The following PIKFYVE variants were observed in gnomAD, a reference collection of about 807,000 sequenced individuals.
PIKFYVE encodes phosphoinositide kinase, FYVE-type zinc finger containing.
A neutral mutation model predicts 257.9 loss-of-function variants in PIKFYVE; 122 were observed. The observed-to-expected ratio is 0.47, with a 90% CI of 0.41 to 0.55. The LOEUF (loss-of-function observed/expected upper bound fraction) is 0.55. Ranked by LOEUF, PIKFYVE falls within the 20% of genes least tolerant of loss-of-function variation. PIKFYVE has a pLI of 0.00. For synonymous variants in PIKFYVE, 892 were observed against 868.9 expected, an observed-to-expected ratio of 1.03 and a Z score of -0.47; for missense variants, 2,160 against 2,536.6, an observed-to-expected ratio of 0.85 and a Z score of 3.19.
In PIKFYVE at chr2:208,315,254, T is replaced by A; in HGVS notation, c.1888T>A (p.Ser630Thr). 1 of 1,614,134 alleles carries A rather than the reference T, an allele frequency of 6.2e-7. No homozygotes were observed. The highest frequency in any genetic ancestry group is 1.1e-5 in the South Asian group (1 of 91,080). ...GCAGTTGCTCCATAGTGACTCACTG[T>A]CATCATCTTGGAGGGACATCATCGT... ...LQQLLHSDSLSSSWRDIIVSL... is the reference protein window; with the variant it reads ...LQQLLHSDSLTSSWRDIIVSL... Residue 630 changes from serine to threonine, a missense_variant, in exon 15 of 42, where the codon TCA (serine) becomes ACA (threonine). Transcript: ENST00000264380.
chr2:208,301,716 C>T (rs1693704275), intron 9 of PIKFYVE, among the ~76,000 whole-genome samples: 1 of 152,160 alleles, frequency 6.6e-6, no homozygotes, highest in Non-Finnish European at 1.5e-5. Context: ...GAGACTTCTT[C>T]ACCATGAGGA....
intron 39 of PIKFYVE, 151 bp from the exon 40 acceptor site, chr2:208,353,747 T>A: frequency 2.2e-6 from 2 of 910,136 alleles, no homozygotes; most frequent in Admixed American, 4.7e-5. Flanking sequence ...GTTTAAAAAC[T>A]TAAAAATTAT....
At chr2:208,311,762 T>C (rs1694956798) in intron 12 of PIKFYVE, among the ~76,000 whole-genome samples, 1 of 152,172 alleles carries the variant, frequency 6.6e-6, no homozygotes, top group Non-Finnish European at 1.5e-5. Flanking sequence ...TAATTTGTTT[T>C]ATAGCTTATA....
intron 4 of PIKFYVE, among the ~76,000 whole-genome samples, chr2:208,277,236 T>C (rs1690229929): frequency 6.6e-6 from 1 of 152,170 alleles, no homozygotes; most frequent in East Asian, 1.9e-4. Flanking sequence ...AGTCCATATA[T>C]GTGTGAGGGT....
At chr2:208,333,061 T>C (rs926502028) in intron 23 of PIKFYVE, among the ~76,000 whole-genome samples, 1 of 151,690 alleles carries the variant, frequency 6.6e-6, no homozygotes, top group Non-Finnish European at 1.5e-5. Context: ...CGTGAAACCC[T>C]GTCTCTACTA....
chr2:208,343,698 G>A (rs1265043917), intron 32 of PIKFYVE, among the ~76,000 whole-genome samples: 1 of 152,042 alleles, frequency 6.6e-6, no homozygotes, highest in Non-Finnish European at 1.5e-5. Flanking sequence ...GGATGAGGAG[G>A]GACTACTGCA....
rs537864630 is a variant in PIKFYVE, at chr2:208,313,834, C to T, written c.1697-460C>T. On this transcript the variant is annotated intron_variant, in intron 13 of 41. Coordinates refer to ENST00000264380, the MANE Select transcript of PIKFYVE (RefSeq NM_015040.4). ...CTGACCTCAGGTGATCTGCCCACCT[C>T]GGCCTCCCAAAGTGTTGGAATTACA... Among the ~76,000 whole-genome samples the T allele has an allele frequency of 1.1e-4, 16 of 152,250 alleles. No individual in the cohort carries two copies. In the East Asian group the frequency reaches 1.9e-3, roughly 18 times the overall value.
At chr2:208,288,616 A>T in intron 6 of PIKFYVE, 113 bp from the exon 7 acceptor site, 1 of 1,472,344 alleles carries the variant, frequency 6.8e-7, no homozygotes. Flanking sequence ...AATGACACAT[A>T]ATCTCATTAT....
rs753928946 is a variant in PIKFYVE, at chr2:208,326,271, G to A, written c.3460G>A (p.Asp1154Asn). ...DSQSLGRMLADYRARGGRIQP... is the reference protein window; with the variant it reads ...DSQSLGRMLANYRARGGRIQP... ...CCAGAGCTTGGGTAGAATGCTGGCC[G>A]ATTATCGAGCCAGAGGAGGAAGAAT... The change falls in exon 20 of 42, where the codon GAT becomes AAT. Residue 1154 changes from aspartate (D) to asparagine (N), a missense_variant. By Grantham distance (23) the Asp-to-Asn change is conservative. Coordinates refer to ENST00000264380, the MANE Select transcript of PIKFYVE (RefSeq NM_015040.4). 6.0e-5 allele frequency: 95 copies of A among 1,593,430 alleles called. No individual in the cohort carries two copies. Among genetic ancestry groups the A allele is most frequent in the Non-Finnish European group, 7.9e-5 (92 of 1,169,854 alleles).
In PIKFYVE at chr2:208,335,781, CG is replaced by C; in HGVS notation, c.4257-11del. On this transcript the variant is annotated splice_polypyrimidine_tract_variant and intron_variant, in intron 25 of 41. Transcript: ENST00000264380. ...CCCTTTCTAAAGTGTTTAATGCTCT[CG>C]CTATTGTTAGAGTTTCACAGGTATA... 1.3e-6 allele frequency: 2 copies of C among 1,585,632 alleles called. No individual in the cohort carries two copies. Among genetic ancestry groups the C allele is most frequent in the African/African-American group, 2.7e-5 (2 of 74,318 alleles).
intron 2 of PIKFYVE, 72 bp from the exon 3 acceptor site, chr2:208,273,512 A>G: frequency 6.3e-7 from 1 of 1,598,778 alleles, no homozygotes; most frequent in East Asian, 2.2e-5. Flanking sequence ...GTTGCCTGAA[A>G]ATTTTCATCT....
chr2:208,334,084 G>A (rs568270514), intron 24 of PIKFYVE, among the ~76,000 whole-genome samples: 1 of 152,348 alleles, frequency 6.6e-6, no homozygotes, highest in South Asian at 2.1e-4. Context: ...ATTGATAGTT[G>A]CCATTGTGGT....
rs1018457032 is a variant in PIKFYVE, at chr2:208,318,056, G to A, written c.2082+115G>A. 4.6e-6 allele frequency: 5 copies of A among 1,098,700 alleles called. No individual in the cohort carries two copies. The African/African-American group carries it at 7.7e-5, about 17-fold the overall frequency. 68.1% of individuals were successfully genotyped at this position (1,098,700 alleles called of 1,614,324 possible). A position where few individuals can be genotyped will look rare whatever the true frequency, so the allele number is the denominator to read the frequency against. ...GGACAATGGACAATGAAAGGCAGCT[G>A]TGTCTGCCATAGGGGTGAAATTTGG... On this transcript the variant is annotated intron_variant, in intron 16 of 41. Coordinates refer to ENST00000264380, the MANE Select transcript of PIKFYVE (RefSeq NM_015040.4).
chr2:208,312,120 G>A, intron 12 of PIKFYVE, 116 bp from the exon 13 acceptor site: 2 of 805,946 alleles, frequency 2.5e-6, no homozygotes, highest in Admixed American at 2.0e-5. Context: ...GCAGTGATGG[G>A]TTTAGTATGA....
intron 7 of PIKFYVE, among the ~76,000 whole-genome samples, chr2:208,296,066 G>A (rs181380494): frequency 2.0e-5 from 3 of 151,862 alleles, no homozygotes; most frequent in South Asian, 2.1e-4. Flanking sequence ...GTGCAGTGGC[G>A]CAATTTCACC....
intron 4 of PIKFYVE, 26 bp from the exon 5 acceptor site, chr2:208,277,511 G>T (rs760182732): frequency 3.7e-6 from 6 of 1,610,862 alleles, no homozygotes; most frequent in Non-Finnish European, 5.1e-6. Context: ...TTTTCAAGAA[G>T]CCTTCACACA....
At chr2:208,330,198 G>A (rs116497664) in intron 22 of PIKFYVE, among the ~76,000 whole-genome samples, 18 of 152,136 alleles carry the variant, frequency 1.2e-4, no homozygotes, top group African/African-American at 4.3e-4. Flanking sequence ...GTAAAATGTT[G>A]GAATCATCTA....
chr2:208,319,770 C>T (rs1278161461), intron 16 of PIKFYVE, among the ~76,000 whole-genome samples: 3 of 152,138 alleles, frequency 2.0e-5, no homozygotes, highest in African/African-American at 4.8e-5. Flanking sequence ...TTTCAGCTTG[C>T]CACCTTAATG....
intron 3 of PIKFYVE, among the ~76,000 whole-genome samples, chr2:208,274,827 T>C (rs988700135): frequency 2.6e-5 from 4 of 152,216 alleles, no homozygotes; most frequent in Non-Finnish European, 5.9e-5. Flanking sequence ...AACAACACTC[T>C]TTTTGTTGAG....
Sources: gnomAD v4.1 joint callset for allele counts (sites outside exome capture counted in the v4.1 genomes callset) on GRCh38, gnomAD v4.1.1 for gene constraint, MANE v1.5 for transcripts, NCBI Gene and HGNC (gene_info 2026-07-23, HGNC 2026-07-21) for gene names.